The following MYBL1 variants were observed in gnomAD, a reference collection of about 807,000 sequenced individuals.
MYBL1 encodes the protein myb-related protein A.
MYBL1 carries 17 observed loss-of-function variants against 96.3 expected under a neutral mutation model. The ratio of observed to expected loss-of-function variants is 0.18; its 90% confidence interval spans 0.12 to 0.26. The LOEUF (loss-of-function observed/expected upper bound fraction) is 0.26. Among genes scored for constraint, MYBL1 ranks in the 10% least tolerant of loss-of-function variants. The pLI is 1.00. For synonymous variants in MYBL1, 282 were observed against 292.7 expected (o/e 0.96, Z 0.37); for missense variants, 701 against 882.9 (o/e 0.79, Z 2.61).
At chr8:66,586,438 A>G (rs1356276418) in intron 8 of MYBL1, among the ~76,000 whole-genome samples, 1 of 152,200 alleles carries the variant, frequency 6.6e-6, no homozygotes, top group Middle Eastern at 3.2e-3. Flanking sequence ...AAAATGCTCA[A>G]TATCACTAGT....
intron 10 of MYBL1, among the ~76,000 whole-genome samples, chr8:66,574,139 T>C (rs891580200): frequency 1.3e-5 from 2 of 152,214 alleles, no homozygotes; most frequent in African/African-American, 4.8e-5. Context: ...AACAGTGATA[T>C]GAAGCCATAG....
At chr8:66,607,639 GA>G (rs1810372482) in intron 1 of MYBL1, among the ~76,000 whole-genome samples, 1 of 139,088 alleles carries the variant, frequency 7.2e-6, no homozygotes, top group Non-Finnish European at 1.5e-5. Context: ...TTTAACAAAT[GA>G]AAATACCTCT....
intron 5 of MYBL1, among the ~76,000 whole-genome samples, chr8:66,596,707 T>C (rs903693592): frequency 6.6e-6 from 1 of 152,150 alleles, no homozygotes; most frequent in African/African-American, 2.4e-5. Context: ...CAAATGCGTA[T>C]CTTCTAAGTT....
At chr8:66,603,308 G>T (rs940770823) in intron 1 of MYBL1, among the ~76,000 whole-genome samples, 1 of 151,958 alleles carries the variant, frequency 6.6e-6, no homozygotes, top group African/African-American at 2.4e-5. Context: ...AGAAATTATT[G>T]GGGCCTGACA....
At chr8:66,589,300 A>G (rs907637799) in intron 8 of MYBL1, among the ~76,000 whole-genome samples, 2 of 151,582 alleles carry the variant, frequency 1.3e-5, no homozygotes, top group African/African-American at 4.8e-5. Flanking sequence ...CTGATTCTCT[A>G]ACCATAATTC....
chr8:66,575,305 T>A (rs1808890439), intron 10 of MYBL1, among the ~76,000 whole-genome samples: 1 of 152,176 alleles, frequency 6.6e-6, no homozygotes, highest in Non-Finnish European at 1.5e-5. Flanking sequence ...TCTAAATAGG[T>A]AAGGCCACTT....
rs528486939 is a variant in MYBL1, at chr8:66,612,697, C to T, written c.20+122G>A. ...TCGAGGCCAAGCGGCCGCGGGGACG[C>T]GGGAAGAAAAACCTCTGCCCTCGCC... On this transcript the variant is annotated intron_variant, in intron 1 of 15. Transcript: ENST00000522677. The T allele has an allele frequency of 4.1e-5, 49 of 1,188,742 alleles. No individual in the cohort carries two copies. In the Middle Eastern group the frequency reaches 1.1e-3, roughly 27 times the overall value. The allele number at this position is 1,188,742 out of a possible 1,614,324, so 73.6% of individuals were successfully genotyped here. A position where few individuals can be genotyped will look rare whatever the true frequency, so the allele number is the denominator to read the frequency against.
chr8:66,594,009 G>A (rs999293924), intron 6 of MYBL1, among the ~76,000 whole-genome samples: 4 of 151,924 alleles, frequency 2.6e-5, no homozygotes, highest in African/African-American at 4.8e-5. Context: ...AGTGGAGCAC[G>A]CCTGTAGTCC....
intron 9 of MYBL1, among the ~76,000 whole-genome samples, chr8:66,578,907 A>C (rs1295315284): frequency 6.6e-6 from 1 of 152,232 alleles, no homozygotes; most frequent in African/African-American, 2.4e-5. Context: ...GCCATAAAAA[A>C]GGATGAGTTC....
chr8:66,588,277 C>CTT lies in MYBL1; in HGVS notation c.867+4161_867+4162dup, dbSNP rs1164357937. ...ATCAGACAGACCTAAATGTGAATCT[C>CTT]TTTTTTTTTTTTTTTTTTTTGAGAC... On this transcript the variant is annotated intron_variant, in intron 8 of 15. Transcript: ENST00000522677. Among the ~76,000 whole-genome samples the CTT allele has an allele frequency of 6.6e-3, 849 of 128,802 alleles. 11 individuals carry two copies. The highest frequency in any genetic ancestry group is 0.022 in the African/African-American group (759 of 34,858). The allele number at this position is 128,802 out of a possible 152,430, so 84.5% of individuals were successfully genotyped here. A position where few individuals can be genotyped will look rare whatever the true frequency, so the allele number is the denominator to read the frequency against.
chr8:66,610,845 C>T (rs1043845333), intron 1 of MYBL1, among the ~76,000 whole-genome samples: 2 of 152,088 alleles, frequency 1.3e-5, no homozygotes, highest in Admixed American at 1.3e-4. Context: ...TCCCCACATC[C>T]TCTATCTGTA....
chr8:66,599,517 A>C (rs1809981740), intron 3 of MYBL1, among the ~76,000 whole-genome samples: 1 of 152,146 alleles, frequency 6.6e-6, no homozygotes, highest in Non-Finnish European at 1.5e-5. Context: ...GAACTCAAAT[A>C]GTGCCAGGCG....
chr8:66,592,622 T>C (rs1809694761), intron 7 of MYBL1, 78 bp from the exon 8 acceptor site: 1 of 813,262 alleles, frequency 1.2e-6, no homozygotes, highest in Non-Finnish European at 1.9e-6. Context: ...TTTTATTTTC[T>C]TCTATGCAAC....
chr8:66,575,035 C>T (rs1251870525), intron 10 of MYBL1, among the ~76,000 whole-genome samples: 1 of 150,298 alleles, frequency 6.7e-6, no homozygotes, highest in Non-Finnish European at 1.5e-5. Context: ...GCCTGGGCAA[C>T]AAGAGCAAAA....
chr8:66,600,706 T>C lies in MYBL1; in HGVS notation c.198+992A>G, dbSNP rs1054280824. ...AACATAATTCAAACTGACTCCAAAA[T>C]TTATGCTCTTTCCATTACTTGATCT... On this transcript the variant is annotated intron_variant, in intron 3 of 15. Coordinates refer to ENST00000522677, the MANE Select transcript of MYBL1 (RefSeq NM_001080416.4). Among the ~76,000 whole-genome samples the C allele has an allele frequency of 2.0e-5, 3 of 152,138 alleles. No individual in the cohort carries two copies. The East Asian group carries it at 5.8e-4, about 29-fold the overall frequency.
intron 1 of MYBL1, among the ~76,000 whole-genome samples, chr8:66,602,733 A>ATATAT (rs1563551302): frequency 3.5e-5 from 1 of 28,172 alleles, no homozygotes; most frequent in Non-Finnish European, 5.5e-5. Flanking sequence ...ATATATATAT[A>ATATAT]TTTTTTTTTT....
Position 66,599,055 on chromosome 8 carries a change from G to T in MYBL1, c.286C>A (p.Gln96Lys), listed in dbSNP as rs925671596. The T allele has an allele frequency of 1.9e-6, 3 of 1,579,684 alleles. No homozygotes were observed. In the East Asian group the frequency reaches 6.9e-5, roughly 36 times the overall value. The change falls in exon 4 of 16, where the codon CAG becomes AAG. Residue 96 changes from glutamine to lysine, a missense_variant. Coordinates refer to ENST00000522677, the MANE Select transcript of MYBL1 (RefSeq NM_001080416.4). ...IKGPWTKEED[Q>K]RVIELVQKYG... ...AAAGAATATGAACACATTACCCTCT[G>T]ATCTTCTTCTTTAGTCCAAGGACCC...
chr8:66,586,970 C>T (rs1312590394), intron 8 of MYBL1, among the ~76,000 whole-genome samples: 1 of 151,902 alleles, frequency 6.6e-6, no homozygotes, highest in African/African-American at 2.4e-5. Context: ...TTCTCACTTA[C>T]ATGTGGAAGC....
At chr8:66,612,035 T>C (rs1353272520) in intron 1 of MYBL1, 4 of 152,228 alleles carry the variant, frequency 2.6e-5, no homozygotes, top group African/African-American at 9.6e-5. Flanking sequence ...AAACGAAAAT[T>C]AGATGCATAA....
Sources: allele counts gnomAD v4.1 joint callset (sites outside exome capture counted in the v4.1 genomes callset), GRCh38; gene constraint gnomAD v4.1.1; transcripts MANE v1.5; gene names NCBI Gene and HGNC (gene_info 2026-07-23, HGNC 2026-07-21).